The following NHS variants were observed in gnomAD, a reference collection of about 807,000 sequenced individuals.
NHS encodes NHS actin remodeling regulator.
Under a neutral mutation model 72.5 loss-of-function variants are expected in NHS, and 5 were observed. The ratio of observed to expected loss-of-function variants is 0.07; its 90% confidence interval spans 0.04 to 0.14. The LOEUF (loss-of-function observed/expected upper bound fraction) is 0.14, where lower values mean the gene tolerates loss of function less well. NHS is among the 10% of genes least tolerant of loss of function. The probability of loss-of-function intolerance (pLI) is 1.00; values close to 1 mark genes in which losing one functional copy is unlikely to be tolerated. For synonymous variants in NHS, 464 were observed against 547.7 expected, an observed-to-expected ratio of 0.85 and a Z score of 2.13; for missense variants, 1,072 against 1,355.7, an observed-to-expected ratio of 0.79 and a Z score of 3.29.
At chrX:17,553,763 G>A (rs1420235180) in intron 1 of NHS, among the ~76,000 whole-genome samples, 2 of 111,477 alleles carry the variant, frequency 1.8e-5, no homozygotes, top group African/African-American at 6.5e-5. Context: ...CTGTTTCGGG[G>A]GCGGGGTAGG....
chrX:17,630,045 C>T (rs16980660), intron 1 of NHS, among the ~76,000 whole-genome samples: 7,658 of 106,639 alleles, frequency 0.072, 551 homozygotes, highest in African/African-American at 0.21. Context: ...CCCTGAGTTA[C>T]TGGTTATGGA....
chrX:17,489,478 TTTG>T (rs201911048), intron 1 of NHS, among the ~76,000 whole-genome samples: 41 of 111,071 alleles, frequency 3.7e-4, no homozygotes, highest in African/African-American at 9.8e-5. Flanking sequence ...TTTGTTTTTC[TTTG>T]TTGTTGTTGT....
At chrX:17,481,172 A>G in intron 1 of NHS, among the ~76,000 whole-genome samples, 1 of 112,009 alleles carries the variant, frequency 8.9e-6, no homozygotes, top group East Asian at 2.8e-4. Context: ...ATTTGATTTA[A>G]AAGAAAATTC....
At chrX:17,666,658 A>G (rs111439637) in intron 1 of NHS, among the ~76,000 whole-genome samples, 2 of 97,538 alleles carry the variant, frequency 2.1e-5, no homozygotes, top group Admixed American at 9.9e-5. Context: ...GAATGAGTGA[A>G]TGAATGAATG....
At position 17,383,642 on chromosome X, in the gene NHS, A is replaced by G. The variant is rs958626578; in HGVS notation, c.565+7320A>G. 1.2e-4 allele frequency among the ~76,000 whole-genome samples: 14 copies of G among 112,085 alleles called. 1 individual carries two copies. The East Asian group carries it at 3.7e-3, about 29-fold the overall frequency. ...CGTTTAAACAACCAGCTCTCAAGAG[A>G]ACTTACTCACTGTCACTAGAACAGC... On this transcript the variant is annotated intron_variant, in intron 1 of 8. Coordinates refer to ENST00000676302, the MANE Select transcript of NHS (RefSeq NM_001291867.2).
intron 1 of NHS, among the ~76,000 whole-genome samples, chrX:17,648,002 G>C (rs182449697): frequency 1.0e-3 from 116 of 110,544 alleles, no homozygotes; most frequent in African/African-American, 3.8e-3. Flanking sequence ...TAAGTCTTTA[G>C]TTTATGATCC....
chrX:17,717,764 G>A (rs963109244), intron 3 of NHS, among the ~76,000 whole-genome samples: 1 of 112,108 alleles, frequency 8.9e-6, no homozygotes, highest in Non-Finnish European at 1.9e-5. Flanking sequence ...ACACACTCAT[G>A]AAATTGGCCC....
intron 3 of NHS, among the ~76,000 whole-genome samples, chrX:17,711,474 A>T (rs866130918): frequency 1.8e-5 from 2 of 112,404 alleles, no homozygotes; most frequent in African/African-American, 6.5e-5. Flanking sequence ...CATTAATAGG[A>T]TGTGATTAAA....
intron 1 of NHS, among the ~76,000 whole-genome samples, chrX:17,400,807 C>A (rs1224968345): frequency 1.8e-5 from 2 of 111,816 alleles, no homozygotes; most frequent in Non-Finnish European, 3.8e-5. Flanking sequence ...GATGGCTATA[C>A]TCCCTAAATC....
In NHS at chrX:17,429,257, T is replaced by TGTGTGC. The variant is rs1460333806; in HGVS notation, c.565+52936_565+52937insTGTGCG. Among the ~76,000 whole-genome samples the TGTGTGC allele has an allele frequency of 3.4e-3, 358 of 106,554 alleles. 2 individuals carry two copies. Among genetic ancestry groups the TGTGTGC allele is most frequent in the African/African-American group, 0.012 (351 of 28,754 alleles). The allele number at this position is 106,554 out of a possible 115,157, so 92.5% of individuals were successfully genotyped here. ...GTGTGTGTGTGTGTGTGTGTGTGTG[T>TGTGTGC]GCACACGTGCGCGCGCGCTATACAG... is the stretch of plus-strand genomic sequence containing the variant. On this transcript the variant is annotated intron_variant, in intron 1 of 8. Coordinates refer to ENST00000676302, the MANE Select transcript of NHS (RefSeq NM_001291867.2).
In NHS at chrX:17,388,989, C is replaced by T. The variant is rs1464417327; in HGVS notation, c.565+12667C>T. 3.6e-5 allele frequency among the ~76,000 whole-genome samples: 4 copies of T among 111,140 alleles called. No individual in the cohort carries two copies. In the East Asian group the frequency reaches 1.1e-3, roughly 31 times the overall value. ...TTGAAAAGAACAAGAAAGCCCTCCT[C>T]TCCGCTCTCACTCTGCCAGACTTGC... On this transcript the variant is annotated intron_variant, in intron 1 of 8. Transcript: ENST00000676302.
intron 1 of NHS, among the ~76,000 whole-genome samples, chrX:17,520,861 C>G (rs1174101108): frequency 1.8e-5 from 2 of 110,797 alleles, no homozygotes; most frequent in African/African-American, 6.6e-5. Flanking sequence ...TATTTTAGAG[C>G]CTGCTTTCTC....
intron 3 of NHS, among the ~76,000 whole-genome samples, chrX:17,716,585 C>T (rs2066365441): frequency 9.0e-6 from 1 of 111,401 alleles, no homozygotes; most frequent in South Asian, 3.8e-4. Flanking sequence ...CCACATATAT[C>T]ACATCTGTCA....
At chrX:17,604,191 C>G (rs1440248040) in intron 1 of NHS, among the ~76,000 whole-genome samples, 2 of 107,943 alleles carry the variant, frequency 1.9e-5, no homozygotes, top group Admixed American at 2.0e-4. Context: ...AATAAAGTGT[C>G]TCCCAAACTA....
At chrX:17,632,648 G>A (rs1008418340) in intron 1 of NHS, among the ~76,000 whole-genome samples, 2 of 110,877 alleles carry the variant, frequency 1.8e-5, no homozygotes, top group African/African-American at 6.6e-5. Context: ...ATAGTTCTGT[G>A]ACCTTGGTCA....
At chrX:17,723,770 T>TGC (rs1556037732) in intron 5 of NHS, among the ~76,000 whole-genome samples, 2,156 of 91,179 alleles carry the variant, frequency 0.024, 61 homozygotes, top group African/African-American at 0.07. Flanking sequence ...TGTGTGTGTG[T>TGC]GCGCGCGCGT....
At chrX:17,720,980 A>G (rs972183536) in intron 4 of NHS, among the ~76,000 whole-genome samples, 3 of 112,257 alleles carry the variant, frequency 2.7e-5, no homozygotes, top group Non-Finnish European at 5.6e-5. Flanking sequence ...CTTGTCCTTC[A>G]GGTGATGGGT....
intron 1 of NHS, among the ~76,000 whole-genome samples, chrX:17,583,948 T>G (rs2065558732): frequency 8.9e-6 from 1 of 112,139 alleles, no homozygotes; most frequent in African/African-American, 3.2e-5. Context: ...CCAGCAGATG[T>G]CCCTGATTCT....
At chrX:17,556,330 G>A (rs915484447) in intron 1 of NHS, among the ~76,000 whole-genome samples, 3 of 112,896 alleles carry the variant, frequency 2.7e-5, no homozygotes, top group Non-Finnish European at 5.6e-5. Flanking sequence ...ACAGGAGTCT[G>A]GGGAAGGCAA....
Sources: gnomAD v4.1 joint callset for allele counts (sites outside exome capture counted in the v4.1 genomes callset) on GRCh38, gnomAD v4.1.1 for gene constraint, MANE v1.5 for transcripts, NCBI Gene and HGNC (gene_info 2026-07-23, HGNC 2026-07-21) for gene names.